NPAT: variants seen among roughly 807,000 people sequenced by gnomAD.
The protein encoded by NPAT is protein NPAT.
Under a neutral mutation model 130.7 loss-of-function variants are expected in NPAT, and 52 were observed. The ratio of observed to expected loss-of-function variants is 0.40; its 90% CI spans 0.32 to 0.50. The LOEUF is 0.50. Among genes scored for constraint, NPAT ranks in the 20% least tolerant of loss-of-function variants. The pLI, the probability that NPAT is intolerant of heterozygous loss-of-function variation, is 0.68. For missense variants in NPAT, 1,687 were observed against 1,662.6 expected (o/e 1.01, Z -0.26); for synonymous variants, 580 against 584.8 (o/e 0.99, Z 0.12).
chr11:108,194,926 C>T (rs1434851608), intron 2 of NPAT, among the ~76,000 whole-genome samples: 4 of 151,888 alleles, frequency 2.6e-5, no homozygotes, highest in African/African-American at 9.7e-5. Context: ...TGGGTTCAAG[C>T]GATTCTCCTG....
chr11:108,194,681 T>C (rs1285995030), intron 2 of NPAT, among the ~76,000 whole-genome samples: 1 of 152,214 alleles, frequency 6.6e-6, no homozygotes, highest in Non-Finnish European at 1.5e-5. Flanking sequence ...GACAGGGTCT[T>C]GCTCTGTCAC....
chr11:108,214,167 A>AT lies in NPAT; in HGVS notation c.37+8332dup, dbSNP rs546888313. 8.5e-5 allele frequency among the ~76,000 whole-genome samples: 13 copies of AT among 152,278 alleles called. No homozygotes were observed. The East Asian group carries it at 2.1e-3, about 25-fold the overall frequency. On this transcript the variant is annotated intron_variant, in intron 1 of 17. Transcript: ENST00000278612. ...TGCCTTGGCCTCCCAAAGTGTTGGGATTACAGGGTGAGCCATTACAGCTGG... is the reference window on the plus strand; with the variant it reads ...TGCCTTGGCCTCCCAAAGTGTTGGGATTTACAGGGTGAGCCATTACAGCTGG...
chr11:108,192,146 T>C lies in NPAT; in HGVS notation c.262A>G (p.Lys88Glu). 1 of 1,606,618 alleles carries C rather than the reference T, an allele frequency of 6.2e-7. No homozygotes were observed. The highest frequency in any genetic ancestry group is 8.5e-7 in the Non-Finnish European group (1 of 1,173,288). ...ATCTGAGAAAGTGTATGGTCCAATT[T>C]CTTCCATAGAGATGACATTATTGCT... Reference protein sequence around the residue: ...VPAIMSSLWKKLDHTLSQIRS... With the variant: ...VPAIMSSLWKELDHTLSQIRS... The change falls in exon 4 of 18, where the codon AAA becomes GAA. Residue 88 changes from lysine to glutamate, a missense_variant. Lys to Glu is a moderately conservative substitution (Grantham distance 56). Around this residue, in one of 3 missense-constraint regions of NPAT, gnomAD observed 307 missense variants for 298.9 expected, o/e 1.03. Coordinates refer to ENST00000278612, the MANE Select transcript of NPAT (RefSeq NM_002519.3).
intron 1 of NPAT, among the ~76,000 whole-genome samples, chr11:108,217,351 T>C (rs781710934): frequency 2.0e-5 from 3 of 152,184 alleles, no homozygotes; most frequent in African/African-American, 4.8e-5. Context: ...ATATATAGCT[T>C]ACATGTATTT....
chr11:108,219,983 A>T (rs183460), intron 1 of NPAT, among the ~76,000 whole-genome samples: 3 of 152,000 alleles, frequency 2.0e-5, no homozygotes, highest in Non-Finnish European at 2.9e-5. Flanking sequence ...TACTAGGAAG[A>T]CAAAGAGAAG....
chr11:108,166,034 T>C (rs796198144), intron 15 of NPAT, among the ~76,000 whole-genome samples: 1 of 118,680 alleles, frequency 8.4e-6, no homozygotes, highest in East Asian at 2.3e-4. Context: ...CCACCTGTCT[T>C]GGCCTCCCAA....
At chr11:108,193,640 G>A (rs1016340060) in intron 3 of NPAT, among the ~76,000 whole-genome samples, 67 of 152,180 alleles carry the variant, frequency 4.4e-4, no homozygotes, top group African/African-American at 1.6e-3. Flanking sequence ...GAGGAGAATC[G>A]CTTGAATCCA....
chr11:108,187,908 T>C (rs77039062), intron 7 of NPAT, among the ~76,000 whole-genome samples, 190 bp downstream of exon 7: 2,293 of 152,294 alleles, frequency 0.015, 69 homozygotes, highest in African/African-American at 0.051. Context: ...ATGCCATTAA[T>C]TGAGAGATGC....
intron 1 of NPAT, among the ~76,000 whole-genome samples, chr11:108,207,687 C>T (rs1032814988): frequency 1.9e-4 from 29 of 152,202 alleles, no homozygotes; most frequent in African/African-American, 6.8e-4. Context: ...GGCCAGGCAG[C>T]GGGAGTAGGC....
intron 1 of NPAT, chr11:108,208,603 A>G (rs76395107): frequency 6.4e-6 from 2 of 310,540 alleles, no homozygotes; most frequent in Non-Finnish European, 1.3e-5. Context: ...AAAAAAAAAG[A>G]GAGAGAGAGA....
Position 108,160,957 on chromosome 11 carries a change from C to T in NPAT, c.4129G>A (p.Glu1377Lys). ...GAAGGACGAGAGTTTCGCTCACGTT[C>T]ATCTAATTCCTCAATTTTCCGCTTT... ...TKKRKIEELD[E>K]RERNSRPSSK... Residue 1377 changes from glutamate (E) to lysine (K), a missense_variant, in exon 17 of 18, where the codon GAA (glutamate) becomes AAA (lysine). By Grantham distance (56) the Glu-to-Lys change is moderately conservative. Transcript: ENST00000278612. 2 of 1,614,106 alleles carry T rather than the reference C, an allele frequency of 1.2e-6. No homozygotes were observed. The highest frequency in any genetic ancestry group is 1.7e-6 in the Non-Finnish European group (2 of 1,179,998).
chr11:108,198,024 C>T (rs1417199065), intron 1 of NPAT, among the ~76,000 whole-genome samples: 2 of 152,168 alleles, frequency 1.3e-5, no homozygotes, highest in Non-Finnish European at 2.9e-5. Flanking sequence ...CTTGGCTGAA[C>T]TAAAGCATGC....
intron 7 of NPAT, 56 bp downstream of exon 7, chr11:108,188,042 C>CTTTT: frequency 5.7e-6 from 6 of 1,050,074 alleles, no homozygotes; most frequent in South Asian, 5.2e-5. Flanking sequence ...TGATGTAATT[C>CTTTT]TTTTTTTTTT....
intron 1 of NPAT, among the ~76,000 whole-genome samples, chr11:108,221,379 C>T (rs1220329554): frequency 6.6e-6 from 1 of 152,170 alleles, no homozygotes; most frequent in Non-Finnish European, 1.5e-5. Context: ...ACTAGATTAC[C>T]AAACTGCCAA....
chr11:108,209,697 G>T (rs953764803), intron 1 of NPAT, among the ~76,000 whole-genome samples: 1 of 151,996 alleles, frequency 6.6e-6, no homozygotes, highest in Non-Finnish European at 1.5e-5. Flanking sequence ...AGACCATCCT[G>T]GCTAACATGG....
chr11:108,174,653 G>A (rs544061920), intron 12 of NPAT, among the ~76,000 whole-genome samples: 2 of 140,292 alleles, frequency 1.4e-5, no homozygotes, highest in East Asian at 2.1e-4. Context: ...TTGCTCTGTC[G>A]CCCAGGCTGG....
At chr11:108,185,954 C>CA (rs970631355) in intron 8 of NPAT, among the ~76,000 whole-genome samples, 32 of 152,078 alleles carry the variant, frequency 2.1e-4, no homozygotes, top group African/African-American at 7.7e-4. Flanking sequence ...TTCCTGGCCT[C>CA]AAGAGATCCG....
At chr11:108,192,805 T>C (rs957348670) in intron 3 of NPAT, among the ~76,000 whole-genome samples, 3 of 151,832 alleles carry the variant, frequency 2.0e-5, no homozygotes, top group Admixed American at 6.6e-5. Context: ...AACACAAATA[T>C]TAGCTGGGCA....
rs1185105979 is a variant in NPAT at position 108,212,529 on chromosome 11, G to GA, written c.37+9970dup. On this transcript the variant is annotated intron_variant, in intron 1 of 17. Transcript: ENST00000278612. Reference sequence around the variant, plus strand: ...AACAGAGAGAGACTCCGTCTCAAAAGAAAAAAAAAAAAAGCATCCAGATTG... The same window carrying GA: ...AACAGAGAGAGACTCCGTCTCAAAAGAAAAAAAAAAAAAAGCATCCAGATTG... 3.7e-3 allele frequency among the ~76,000 whole-genome samples: 254 copies of GA among 68,474 alleles called. 1 individual carries two copies. In the Middle Eastern group the frequency reaches 0.057, roughly 15 times the overall value. The allele number at this position is 68,474 out of a possible 152,430, so 44.9% of individuals were successfully genotyped here. A position where few individuals can be genotyped will look rare whatever the true frequency, so the allele number is the denominator to read the frequency against.
Sources: allele counts gnomAD v4.1 joint callset (sites outside exome capture counted in the v4.1 genomes callset), GRCh38; gene constraint gnomAD v4.1.1; regional missense constraint gnomAD v4.1.1; transcripts MANE v1.5; gene names NCBI Gene and HGNC (gene_info 2026-07-23, HGNC 2026-07-21).